TRAPPC9: variants seen among roughly 807,000 people sequenced by gnomAD.
TRAPPC9 encodes the protein IKK2 binding protein.
TRAPPC9 carries 83 observed loss-of-function variants against 124.0 expected under a neutral mutation model. That is an observed-to-expected ratio of 0.67 (90% CI 0.56 to 0.80). The LOEUF is 0.80. TRAPPC9 is among the 30% of genes least tolerant of loss of function. The pLI is 0.00. For synonymous variants in TRAPPC9, 638 were observed against 617.5 expected (o/e 1.03, Z -0.49); for missense variants, 1,302 against 1,508.3 (o/e 0.86, Z 2.27).
intron 17 of TRAPPC9, among the ~76,000 whole-genome samples, chr8:140,052,461 A>G (rs1374764503): frequency 6.6e-6 from 1 of 152,184 alleles, no homozygotes; most frequent in Non-Finnish European, 1.5e-5. Flanking sequence ...ATATGGCAAG[A>G]ACCCATCTCT....
At chr8:140,012,871 G>A (rs560783343) in intron 18 of TRAPPC9, among the ~76,000 whole-genome samples, 11 of 152,320 alleles carry the variant, frequency 7.2e-5, no homozygotes, top group African/African-American at 2.6e-4. Flanking sequence ...GAGGGTCACC[G>A]TAAGTTCTGA....
chr8:139,866,336 T>C (rs538730745), intron 21 of TRAPPC9, among the ~76,000 whole-genome samples: 1 of 152,168 alleles, frequency 6.6e-6, no homozygotes, highest in African/African-American at 2.4e-5. Flanking sequence ...AGGAAGTCCA[T>C]TCAGATGGTC....
intron 17 of TRAPPC9, among the ~76,000 whole-genome samples, chr8:140,055,002 T>C (rs1040463179): frequency 4.6e-5 from 7 of 152,132 alleles, no homozygotes; most frequent in African/African-American, 1.4e-4. Flanking sequence ...TCTCAACTCT[T>C]CCAAAAAGCT....
chr8:140,039,968 C>T (rs904630449), intron 17 of TRAPPC9: 13 of 152,222 alleles, frequency 8.5e-5, no homozygotes, highest in Non-Finnish European at 1.3e-4. Context: ...GGTTTGTGAT[C>T]AAGGGAAAAC....
intron 17 of TRAPPC9, among the ~76,000 whole-genome samples, chr8:140,217,195 C>T (rs548543663): frequency 7.9e-5 from 12 of 152,316 alleles, no homozygotes; most frequent in Middle Eastern, 3.4e-3. Flanking sequence ...CTGCAGTCAG[C>T]GCTGCTAGGG....
Position 139,857,492 on chromosome 8 carries a change from C to T in TRAPPC9, c.3055+28387G>A, listed in dbSNP as rs551013690. On this transcript the variant is annotated intron_variant, in intron 21 of 22. Transcript: ENST00000438773. ...GTCACACAATAAACACATGGGGCAA[C>T]GTGGACCCCAGTCCAGGCCTGCTGA... Among the ~76,000 whole-genome samples the T allele has an allele frequency of 5.3e-5, 8 of 152,312 alleles. No individual in the cohort carries two copies. In the South Asian group the frequency reaches 8.3e-4, roughly 16 times the overall value.
At chr8:139,785,448 A>G (rs895635454) in intron 21 of TRAPPC9, among the ~76,000 whole-genome samples, 14 of 152,138 alleles carry the variant, frequency 9.2e-5, no homozygotes, top group African/African-American at 3.4e-4. Context: ...CTGTAATCCC[A>G]GCACTTTGGG....
At chr8:140,268,491 C>T (rs888775930) in intron 15 of TRAPPC9, among the ~76,000 whole-genome samples, 9 of 152,228 alleles carry the variant, frequency 5.9e-5, no homozygotes, top group African/African-American at 2.2e-4. Flanking sequence ...TGATAGCTTT[C>T]ATTTTTCACG....
At chr8:140,113,018 TC>T (rs1012529602) in intron 17 of TRAPPC9, among the ~76,000 whole-genome samples, 1 of 152,090 alleles carries the variant, frequency 6.6e-6, no homozygotes, top group African/African-American at 2.4e-5. Flanking sequence ...ATTCCTCTTT[TC>T]TTGACATCAA....
chr8:139,976,628 C>A (rs4736121), intron 19 of TRAPPC9, among the ~76,000 whole-genome samples: 76,184 of 152,116 alleles, frequency 0.5, 19,987 homozygotes, highest in Middle Eastern at 0.63. Flanking sequence ...AAGGGATCTG[C>A]GCACGGCTCG....
chr8:140,313,015 C>A (rs2066341810), intron 9 of TRAPPC9, among the ~76,000 whole-genome samples: 1 of 152,182 alleles, frequency 6.6e-6, no homozygotes, highest in African/African-American at 2.4e-5. Context: ...CCACCTTGGC[C>A]TTCCAAAGTA....
chr8:140,338,513 T>G (rs2067104254), intron 9 of TRAPPC9, among the ~76,000 whole-genome samples: 1 of 152,190 alleles, frequency 6.6e-6, no homozygotes, highest in Admixed American at 6.5e-5. Flanking sequence ...ATTCGTATAT[T>G]GAAGTCCTAA....
chr8:140,322,947 T>C (rs1042759935), intron 9 of TRAPPC9, among the ~76,000 whole-genome samples: 15 of 152,204 alleles, frequency 9.9e-5, no homozygotes, highest in African/African-American at 3.1e-4. Context: ...CTTAAATTCT[T>C]AGAATCTCCA....
chr8:140,320,816 C>T (rs2066572333), intron 9 of TRAPPC9, among the ~76,000 whole-genome samples: 11 of 152,182 alleles, frequency 7.2e-5, no homozygotes, highest in Admixed American at 7.2e-4. Flanking sequence ...GAAGCTGGAT[C>T]TCAAAGTCAG....
chr8:140,325,109 A>T (rs1032906059), intron 9 of TRAPPC9, among the ~76,000 whole-genome samples: 2 of 152,248 alleles, frequency 1.3e-5, no homozygotes, highest in African/African-American at 4.8e-5. Flanking sequence ...ACACGTCAAA[A>T]ATAAAAACAA....
At chr8:140,457,794 GCCCCCGAT>G (rs2071743487), upstream of TRAPPC9, 1 of 1,024,588 alleles carries the variant, frequency 9.8e-7, no homozygotes, top group Non-Finnish European at 1.2e-6. Context: ...CCAGGCCTGG[GCCCCCGAT>G]CCGTCCCGGG....
Position 140,450,687 on chromosome 8 carries a change from A to C in TRAPPC9, c.584+103T>G, listed in dbSNP as rs568488179. 37 of 957,092 alleles carry C rather than the reference A, an allele frequency of 3.9e-5. No homozygotes were observed. The East Asian group carries it at 8.1e-4, about 21-fold the overall frequency. The allele number at this position is 957,092 out of a possible 1,614,324, so 59.3% of individuals were successfully genotyped here. ...AGAAAGTCATTAGTTTTAAAAACCAATGGACAACACCTTTCTACTCCTTGC... is the reference window on the plus strand; with the variant it reads ...AGAAAGTCATTAGTTTTAAAAACCACTGGACAACACCTTTCTACTCCTTGC... On this transcript the variant is annotated intron_variant, in intron 2 of 22. Transcript: ENST00000438773.
rs548884744 is a variant in TRAPPC9, at chr8:140,185,080, T to C, written c.2556+36379A>G. On this transcript the variant is annotated intron_variant, in intron 17 of 22. Transcript: ENST00000438773. ...GGCAGGCTAATACCTATAATCCCAC[T>C]ATGTTCTCAGATTCAGTCATCAATT... is the stretch of plus-strand genomic sequence containing the variant. Among the ~76,000 whole-genome samples, 7 of 152,344 alleles carry C rather than the reference T, an allele frequency of 4.6e-5. No individual in the cohort carries two copies. The South Asian group carries it at 1.2e-3, about 27-fold the overall frequency.
chr8:140,074,423 G>A (rs778711818), intron 17 of TRAPPC9, among the ~76,000 whole-genome samples: 3 of 152,158 alleles, frequency 2.0e-5, no homozygotes, highest in African/African-American at 4.8e-5. Context: ...GCTTTTCCCC[G>A]TCCCTCTTCC....
Sources: allele counts gnomAD v4.1 joint callset (sites outside exome capture counted in the v4.1 genomes callset), GRCh38; gene constraint gnomAD v4.1.1; transcripts MANE v1.5; gene names NCBI Gene and HGNC (gene_info 2026-07-23, HGNC 2026-07-21).